Variants in SLC38A12 observed in about 807,000 individuals in gnomAD.
The protein encoded by SLC38A12 is solute carrier family 38 member 12.
chr17:74,813,018 C>A, the SLC38A12 span, among the ~76,000 whole-genome samples: 1 of 152,206 alleles, frequency 6.6e-6, no homozygotes, highest in Admixed American at 6.5e-5. Flanking sequence ...AAGAAATAAG[C>A]ACACACTTAG....
At chr17:74,801,667 T>C in the SLC38A12 span, among the ~76,000 whole-genome samples, 1 of 152,342 alleles carries the variant, frequency 6.6e-6, no homozygotes, top group East Asian at 1.9e-4. Flanking sequence ...GCTGGGAGTC[T>C]AACCTGGGTG....
the SLC38A12 span, among the ~76,000 whole-genome samples, chr17:74,792,970 T>G: frequency 6.6e-6 from 1 of 152,238 alleles, no homozygotes; most frequent in Non-Finnish European, 1.5e-5. Flanking sequence ...AAGTGCACAT[T>G]GGAAGGAAGA....
chr17:74,795,462 T>C, the SLC38A12 span: 6 of 1,476,806 alleles, frequency 4.1e-6, no homozygotes, highest in Non-Finnish European at 5.6e-6. Context: ...GTGGCTTCTG[T>C]CTCCCCCAGC....
At chr17:74,809,530 G>A in the SLC38A12 span, among the ~76,000 whole-genome samples, 6 of 152,190 alleles carry the variant, frequency 3.9e-5, no homozygotes, top group African/African-American at 7.2e-5. Context: ...TGCAGCCTGC[G>A]TCACAGCTGC....
the SLC38A12 span, among the ~76,000 whole-genome samples, chr17:74,831,599 C>T: frequency 6.6e-6 from 1 of 152,154 alleles, no homozygotes; most frequent in Admixed American, 6.5e-5. Flanking sequence ...TGCTGCTCTC[C>T]ACCACTCAGA....
the SLC38A12 span, among the ~76,000 whole-genome samples, chr17:74,805,776 C>T: frequency 6.6e-6 from 1 of 152,230 alleles, no homozygotes; most frequent in Admixed American, 6.5e-5. The surrounding 1 kb of genome is among the most constrained non-coding windows in gnomAD (Gnocchi z 5.0). Context: ...AGCGTTCCCA[C>T]TGCCATTGCT....
At chr17:74,776,687 G>A in the SLC38A12 span, 1 of 153,556 alleles carries the variant, frequency 6.5e-6, no homozygotes, top group African/African-American at 2.4e-5. Flanking sequence ...GAGGGAGAGA[G>A]AGGGAGAGGC....
At chr17:74,833,787 A>C in the SLC38A12 span, among the ~76,000 whole-genome samples, 3 of 152,200 alleles carry the variant, frequency 2.0e-5, no homozygotes, top group African/African-American at 7.2e-5. Flanking sequence ...GCCAGGTCTC[A>C]AGGTGGTACC....
the SLC38A12 span, among the ~76,000 whole-genome samples, chr17:74,814,264 G>A: frequency 2.7e-5 from 4 of 148,986 alleles, no homozygotes; most frequent in Non-Finnish European, 6.0e-5. Flanking sequence ...TTCCTGTGGG[G>A]ATCTTGGAGA....
chr17:74,819,693 T>C, the SLC38A12 span: 1 of 1,535,202 alleles, frequency 6.5e-7, no homozygotes, highest in Non-Finnish European at 9.0e-7. Flanking sequence ...GTCTTCCGTG[T>C]GCAGACAGTC....
At chr17:74,808,549 TC>T in the SLC38A12 span, among the ~76,000 whole-genome samples, 1 of 152,182 alleles carries the variant, frequency 6.6e-6, no homozygotes, top group Non-Finnish European at 1.5e-5. Flanking sequence ...AGCCTCGTCT[TC>T]CCTGCCCCGG....
the SLC38A12 span, among the ~76,000 whole-genome samples, chr17:74,777,932 G>C: frequency 6.6e-6 from 1 of 152,144 alleles, no homozygotes; most frequent in African/African-American, 2.4e-5. Flanking sequence ...AAGAAATAAT[G>C]TTCATCTCCA....
the SLC38A12 span, chr17:74,795,179 T>C: frequency 3.0e-6 from 4 of 1,328,716 alleles, no homozygotes; most frequent in South Asian, 1.2e-5. Context: ...CAGGGCAGAG[T>C]GTCCAGGGGA....
chr17:74,815,975 A>G, the SLC38A12 span, among the ~76,000 whole-genome samples: 3 of 152,150 alleles, frequency 2.0e-5, no homozygotes, highest in Non-Finnish European at 2.9e-5. Flanking sequence ...AGCCCACAAC[A>G]GGCCCCCGTG....
the SLC38A12 span, chr17:74,795,773 G>C: frequency 1.5e-6 from 1 of 675,046 alleles, no homozygotes; most frequent in Non-Finnish European, 2.5e-6. Flanking sequence ...AAGCACTGGG[G>C]CCTTGGCCCC....
the SLC38A12 span, chr17:74,838,685 T>A: frequency 3.5e-6 from 5 of 1,423,620 alleles, no homozygotes; most frequent in Non-Finnish European, 4.6e-6. Flanking sequence ...CTGCTGTAAG[T>A]CAGATGAGGT....
At chr17:74,812,745 G>T in the SLC38A12 span, among the ~76,000 whole-genome samples, 3 of 152,286 alleles carry the variant, frequency 2.0e-5, no homozygotes, top group African/African-American at 7.2e-5. Context: ...GTTTAAGGTA[G>T]CCCTATTCAA....
the SLC38A12 span, chr17:74,785,557 G>T: frequency 6.2e-7 from 1 of 1,614,124 alleles, no homozygotes; most frequent in Non-Finnish European, 8.5e-7. Context: ...CGCCACTGCC[G>T]GGTGGCTTGT....
chr17:74,781,335 T>A, the SLC38A12 span, among the ~76,000 whole-genome samples: 1 of 152,186 alleles, frequency 6.6e-6, no homozygotes, highest in African/African-American at 2.4e-5. Context: ...TCTCACTGTG[T>A]CACCCAGTGA....
Sources: allele counts gnomAD v4.1 joint callset (sites outside exome capture counted in the v4.1 genomes callset), GRCh38; gene constraint gnomAD v4.1.1; non-coding constraint Gnocchi (gnomAD v3.1); transcripts MANE v1.5; gene names NCBI Gene and HGNC (gene_info 2026-07-23, HGNC 2026-07-21).